CDH13: variants seen among roughly 807,000 people sequenced by gnomAD.
The protein encoded by CDH13 is cadherin-13.
CDH13 carries 24 observed loss-of-function variants against 63.8 expected under a neutral mutation model. The observed-to-expected ratio is 0.38, with a 90% CI of 0.27 to 0.53. The LOEUF is 0.53. CDH13 is among the 20% of genes least tolerant of loss of function. The pLI is 0.85. For synonymous variants in CDH13, 503 were observed against 355.3 expected, an observed-to-expected ratio of 1.42 and a Z score of -4.67; for missense variants, 1,049 against 903.1, an observed-to-expected ratio of 1.16 and a Z score of -2.07.
chr16:83,282,841 G>T (rs2089213923), intron 5 of CDH13, among the ~76,000 whole-genome samples: 1 of 152,148 alleles, frequency 6.6e-6, no homozygotes, highest in South Asian at 2.1e-4. Flanking sequence ...TTTTCATCCT[G>T]TTATTCTATT....
chr16:82,740,557 T>TGA (rs1001713225), intron 1 of CDH13, among the ~76,000 whole-genome samples: 1 of 152,182 alleles, frequency 6.6e-6, no homozygotes, highest in African/African-American at 2.4e-5. Flanking sequence ...CTCCATAGGC[T>TGA]GAGGGGTTGG....
At chr16:82,687,463 G>T (rs545181520) in intron 1 of CDH13, among the ~76,000 whole-genome samples, 24 of 152,282 alleles carry the variant, frequency 1.6e-4, no homozygotes, top group African/African-American at 5.1e-4. Flanking sequence ...AGTTCCACAT[G>T]GCTGGGGAGG....
chr16:83,632,830 A>T (rs1910905188), intron 8 of CDH13, among the ~76,000 whole-genome samples: 1 of 149,822 alleles, frequency 6.7e-6, no homozygotes, highest in South Asian at 2.1e-4. Flanking sequence ...GGCCATTTTT[A>T]TGGTTATCTC....
At chr16:83,211,528 A>T (rs1380487362) in intron 4 of CDH13, among the ~76,000 whole-genome samples, 1 of 152,196 alleles carries the variant, frequency 6.6e-6, no homozygotes, top group Non-Finnish European at 1.5e-5. Flanking sequence ...TTAAAAACAC[A>T]CACCACATTG....
chr16:83,406,288 C>T (rs1052096186), intron 6 of CDH13, among the ~76,000 whole-genome samples: 1 of 152,164 alleles, frequency 6.6e-6, no homozygotes, highest in Non-Finnish European at 1.5e-5. Flanking sequence ...CCTTATCTCC[C>T]TCTTCTGCCT....
At chr16:83,408,728 C>T (rs1391678259) in intron 6 of CDH13, among the ~76,000 whole-genome samples, 2 of 152,162 alleles carry the variant, frequency 1.3e-5, no homozygotes, top group Non-Finnish European at 2.9e-5. Flanking sequence ...TTGAAAAGGG[C>T]CTTGCTAAAT....
intron 1 of CDH13, among the ~76,000 whole-genome samples, chr16:82,847,462 G>C (rs1264120533): frequency 2.0e-5 from 3 of 152,168 alleles, no homozygotes; most frequent in African/African-American, 7.2e-5. Context: ...ATGTGGGGCT[G>C]AGTTCATCTC....
At chr16:83,299,095 A>T (rs1328762641) in intron 5 of CDH13, among the ~76,000 whole-genome samples, 1 of 152,174 alleles carries the variant, frequency 6.6e-6, no homozygotes. Flanking sequence ...ATATGCATAT[A>T]ATTTTACCAA....
At chr16:83,746,117 G>A (rs1370771324) in intron 10 of CDH13, among the ~76,000 whole-genome samples, 2 of 152,202 alleles carry the variant, frequency 1.3e-5, no homozygotes, top group African/African-American at 4.8e-5. Flanking sequence ...CGGTAACAAA[G>A]TATTGCAAAC....
intron 4 of CDH13, among the ~76,000 whole-genome samples, chr16:83,186,126 T>G (rs1391765223): frequency 6.8e-6 from 1 of 147,478 alleles, no homozygotes; most frequent in Non-Finnish European, 1.5e-5. Flanking sequence ...TTTTATTTTA[T>G]TTTATTTTAT....
At chr16:82,995,069 A>G (rs1157282428) in intron 2 of CDH13, among the ~76,000 whole-genome samples, 1 of 152,226 alleles carries the variant, frequency 6.6e-6, no homozygotes, top group African/African-American at 2.4e-5. Context: ...AAGTGAGTAA[A>G]TGTTAACTGC....
At chr16:83,096,803 G>C (rs550443301) in intron 3 of CDH13, among the ~76,000 whole-genome samples, 1 of 152,252 alleles carries the variant, frequency 6.6e-6, no homozygotes, top group South Asian at 2.1e-4. Context: ...GAATGCTATT[G>C]TTCAGTTTGC....
At chr16:82,803,288 C>T (rs2151164131) in intron 1 of CDH13, among the ~76,000 whole-genome samples, 2 of 152,262 alleles carry the variant, frequency 1.3e-5, no homozygotes, top group South Asian at 4.1e-4. Flanking sequence ...TTGAATAATT[C>T]TCCTTGAGGG....
chr16:83,534,616 T>C (rs1394756049), intron 7 of CDH13, among the ~76,000 whole-genome samples: 1 of 152,202 alleles, frequency 6.6e-6, no homozygotes, highest in East Asian at 1.9e-4. Flanking sequence ...GTAAGGTACG[T>C]CATAGTGTTT....
At chr16:82,636,311 G>C (rs975134155) in intron 1 of CDH13, among the ~76,000 whole-genome samples, 5 of 152,042 alleles carry the variant, frequency 3.3e-5, no homozygotes, top group African/African-American at 1.2e-4. Flanking sequence ...AATTCAGGCT[G>C]CAGAACGTTC....
chr16:83,617,532 T>G (rs960459187), intron 8 of CDH13, among the ~76,000 whole-genome samples: 7 of 151,502 alleles, frequency 4.6e-5, no homozygotes, highest in Non-Finnish European at 7.4e-5. Flanking sequence ...ATATATAATA[T>G]CTATTCTTTT....
chr16:82,905,275 CA>C (rs1457333019), intron 2 of CDH13, among the ~76,000 whole-genome samples: 1 of 152,186 alleles, frequency 6.6e-6, no homozygotes, highest in African/African-American at 2.4e-5. Context: ...AGAGGTTAAG[CA>C]ACTTGCTCAG....
At chr16:83,288,611 G>C (rs1285855597) in intron 5 of CDH13, among the ~76,000 whole-genome samples, 1 of 152,146 alleles carries the variant, frequency 6.6e-6, no homozygotes, top group African/African-American at 2.4e-5. Flanking sequence ...ACATTCACAT[G>C]GCAGAGTTAC....
chr16:83,284,360 A>G (rs557021036), intron 5 of CDH13, among the ~76,000 whole-genome samples: 1 of 152,218 alleles, frequency 6.6e-6, no homozygotes, highest in East Asian at 1.9e-4. Context: ...TAAAATCCTT[A>G]TCTGAAAAAT....
Sources: gnomAD v4.1 joint callset for allele counts (sites outside exome capture counted in the v4.1 genomes callset) on GRCh38, gnomAD v4.1.1 for gene constraint, MANE v1.5 for transcripts, NCBI Gene and HGNC (gene_info 2026-07-23, HGNC 2026-07-21) for gene names.